Variants in TOP2A observed in about 807,000 individuals in gnomAD.
TOP2A encodes DNA topoisomerase II alpha.
In TOP2A, 68 loss-of-function variants were observed where a neutral mutation model predicts 187.2. The ratio of observed to expected loss-of-function variants is 0.36; its 90% confidence interval spans 0.30 to 0.44. TOP2A has a LOEUF of 0.44. Ranked by LOEUF, TOP2A falls within the 20% of genes least tolerant of loss-of-function variation. The pLI, the probability that TOP2A is intolerant of heterozygous loss-of-function variation, is 1.00. For missense variants in TOP2A, 1,196 were observed against 1,808.7 expected (o/e 0.66, Z 6.14); for synonymous variants, 542 against 593.2 (o/e 0.91, Z 1.25).
intron 16 of TOP2A, among the ~76,000 whole-genome samples, chr17:40,405,517 C>T (rs561676692): frequency 3.0e-4 from 42 of 140,732 alleles, no homozygotes; most frequent in African/African-American, 1.0e-3. Flanking sequence ...TGCAGTGGCA[C>T]CATCTCAGCT....
chr17:40,414,057 GA>G (rs536552520), intron 4 of TOP2A, among the ~76,000 whole-genome samples: 2 of 149,266 alleles, frequency 1.3e-5, no homozygotes, highest in African/African-American at 2.5e-5. Context: ...GAGTCAAGAG[GA>G]AAAAAAAACC....
intron 32 of TOP2A, 70 bp downstream of exon 32, chr17:40,391,998 G>A (rs1327981460): frequency 2.5e-5 from 38 of 1,506,274 alleles, no homozygotes; most frequent in Middle Eastern, 1.8e-4. Context: ...ATGTAGCCAG[G>A]ATTAGAACCC....
chr17:40,408,063 C>T lies in TOP2A; in HGVS notation c.1404G>A (p.Leu468=), dbSNP rs376489438. ...ILTEGDSAKT[L]AVSGLGVVGR... is the part of the protein sequence containing the mutation. ...CAACCACACCAAGGCCTGAAACAGC[C>T]AAAGTTTTGGCTGAATCTCCCTCAG... Residue 468 remains leucine (L), a synonymous_variant, in exon 12 of 35, where the codon TTG becomes TTA. Transcript: ENST00000423485. 1.4e-5 allele frequency: 22 copies of T among 1,613,456 alleles called. No individual in the cohort carries two copies. Among genetic ancestry groups the T allele is most frequent in the Middle Eastern group, 1.6e-4 (1 of 6,082 alleles).
rs779264397 is a variant in TOP2A, at chr17:40,392,108, A to C, written c.4092T>G (p.Leu1364=). The C allele has an allele frequency of 1.2e-6, 2 of 1,611,840 alleles. No homozygotes were observed. The highest frequency in any genetic ancestry group is 1.7e-5 in the Admixed American group (1 of 59,702). Residue 1364 remains leucine, a synonymous_variant, in exon 32 of 35, where the codon CTT becomes CTG. Coordinates refer to ENST00000423485, the MANE Select transcript of TOP2A (RefSeq NM_001067.4). ...TCTGTGGTTTCAGTTCTTTGTTACTAAGTCTAGAATTAAAAAAAAAAATCC... is the reference window on the plus strand; with the variant it reads ...TCTGTGGTTTCAGTTCTTTGTTACTCAGTCTAGAATTAAAAAAAAAAATCC... ...SPPKTKTSPK[L]SNKELKPQKS...
intron 10 of TOP2A, chr17:40,409,601 A>C (rs2035294418): frequency 2.9e-6 from 1 of 339,770 alleles, no homozygotes; most frequent in Non-Finnish European, 5.8e-6. Context: ...TCTATTAAAA[A>C]TACAAAAATT....
Position 40,411,541 on chromosome 17 carries a change from A to G in TOP2A, c.964-86T>C. 1.3e-6 allele frequency: 2 copies of G among 1,550,046 alleles called. No homozygotes were observed. Among genetic ancestry groups the G allele is most frequent in the Non-Finnish European group, 1.8e-6 (2 of 1,123,668 alleles). ...ATTAAAAACTAATTTAACCTCCTTT[A>G]TACTAAGCTAGCCCAATATTCAAGT... is the stretch of plus-strand genomic sequence containing the variant. On this transcript the variant is annotated intron_variant, in intron 8 of 34. Transcript: ENST00000423485. This position sits in a 1 kb window ranked among gnomAD's most constrained non-coding sequence, Gnocchi z 4.4.
Position 40,401,005 on chromosome 17 carries a change from C to G in TOP2A, c.2509G>C (p.Glu837Gln), listed in dbSNP as rs2143649616. ...KFLYDDNQRVEPEWYIPIIPM... is the reference protein window; with the variant it reads ...KFLYDDNQRVQPEWYIPIIPM... The stretch of plus-strand genomic sequence containing the variant: ...ATAATAGGAATGTACCATTCAGGCT[C>G]AACACGCTGGTTGTCATCATATAAA... The change falls in exon 21 of 35, where the codon GAG (glutamate) becomes CAG (glutamine). Residue 837 changes from glutamate to glutamine, a missense_variant. This residue lies in a region of TOP2A where 209 missense variants were observed against 376.9 expected (regional missense o/e 0.55). Coordinates refer to ENST00000423485, the MANE Select transcript of TOP2A (RefSeq NM_001067.4). 1 of 1,613,952 alleles carries G rather than the reference C, an allele frequency of 6.2e-7. No homozygotes were observed. The highest frequency in any genetic ancestry group is 8.5e-7 in the Non-Finnish European group (1 of 1,179,886).
chr17:40,407,095 C>T (rs112081793), intron 13 of TOP2A, among the ~76,000 whole-genome samples, 153 bp from the exon 14 acceptor site: 5 of 152,164 alleles, frequency 3.3e-5, no homozygotes, highest in Non-Finnish European at 7.3e-5. Context: ...GAAACCCTGT[C>T]TCCACTAAAA....
At position 40,417,521 on chromosome 17, in the gene TOP2A, C is replaced by G. The variant is rs559995921; in HGVS notation, c.21+250G>C. The G allele has an allele frequency of 3.5e-6, 5 of 1,420,106 alleles. No homozygotes were observed. The African/African-American group carries it at 7.2e-5, about 20-fold the overall frequency. 88.0% of individuals were successfully genotyped at this position (1,420,106 alleles called of 1,614,324 possible). A position where few individuals can be genotyped will look rare whatever the true frequency, so the allele number is the denominator to read the frequency against. On this transcript the variant is annotated intron_variant, in intron 1 of 34. Transcript: ENST00000423485. ...CTGTAACATGGATCCACTACGGGACCAACGGACTCCTGCCCCTAGAAACAG... is the reference window on the plus strand; with the variant it reads ...CTGTAACATGGATCCACTACGGGACGAACGGACTCCTGCCCCTAGAAACAG...
chr17:40,404,411 A>C lies in TOP2A; in HGVS notation c.2127T>G (p.Ser709=), dbSNP rs1320300822. ...TAGAAGGGATAGATCTCTCGTTATC[A>C]GAATTTGAGAACAAGATAAGTTCCT... The part of the protein sequence containing the change: ...INKELILFSN[S]DNERSIPSMV... The change falls in exon 18 of 35, where the codon TCT becomes TCG. Residue 709 remains serine (S), a synonymous_variant. Coordinates refer to ENST00000423485, the MANE Select transcript of TOP2A (RefSeq NM_001067.4). The C allele has an allele frequency of 1.2e-6, 2 of 1,611,566 alleles. No homozygotes were observed.
chr17:40,417,506 G>T, intron 1 of TOP2A: 1 of 1,396,046 alleles, frequency 7.2e-7, no homozygotes, highest in Non-Finnish European at 9.3e-7. Flanking sequence ...CTGTAACATG[G>T]ATCCACTACG....
Position 40,412,793 on chromosome 17 carries a change from T to G in TOP2A, c.755A>C (p.Asp252Ala), listed in dbSNP as rs2035339207. The G allele has an allele frequency of 6.2e-7, 1 of 1,613,862 alleles. No individual in the cohort carries two copies. ...ATTTCCATTAAGAAAGACTTTGACA[T>G]CTTTGGTGGATCCAGCAATATCATA... ...RAYDIAGSTK[D>A]VKVFLNGNKL... The change falls in exon 7 of 35, where the codon GAT (aspartate) becomes GCT (alanine). Residue 252 changes from aspartate (D) to alanine (A), a missense_variant. Coordinates refer to ENST00000423485, the MANE Select transcript of TOP2A (RefSeq NM_001067.4).
intron 13 of TOP2A, 64 bp from the exon 14 acceptor site, chr17:40,407,006 G>A (rs2035255627): frequency 2.3e-6 from 3 of 1,332,942 alleles, no homozygotes. Flanking sequence ...GCTAACATCT[G>A]TAATCCCAGA....
At position 40,413,342 on chromosome 17, in the gene TOP2A, A is replaced by G. The variant is rs1040096336; in HGVS notation, c.479-50T>C. On this transcript the variant is annotated intron_variant, in intron 5 of 34. Coordinates refer to ENST00000423485, the MANE Select transcript of TOP2A (RefSeq NM_001067.4). ...ATTTTATTGTTACTATCTCATTGAC[A>G]GCTTTATTTCTTAATCACTGGCAGA... 21 of 1,483,566 alleles carry G rather than the reference A, an allele frequency of 1.4e-5. No homozygotes were observed. In the South Asian group the frequency reaches 1.6e-4, roughly 12 times the overall value. 91.9% of individuals were successfully genotyped at this position (1,483,566 alleles called of 1,614,324 possible). A position where few individuals can be genotyped will look rare whatever the true frequency, so the allele number is the denominator to read the frequency against.
rs1249055080 is a variant in TOP2A at position 40,389,650 on chromosome 17, A to T, written c.4468-3T>A. 3 of 1,607,296 alleles carry T rather than the reference A, an allele frequency of 1.9e-6. No homozygotes were observed. Among genetic ancestry groups the T allele is most frequent in the Non-Finnish European group, 2.5e-6 (3 of 1,177,050 alleles). ...TCATCACTCTCCCCCTTGGATTTCT[A>T]AAAGAGAAAAGCCCAGGTAACTTGC... On this transcript the variant is annotated splice_region_variant and splice_polypyrimidine_tract_variant and intron_variant, in intron 34 of 34. Coordinates refer to ENST00000423485, the MANE Select transcript of TOP2A (RefSeq NM_001067.4).
Position 40,411,415 on chromosome 17 carries a change from G to A in TOP2A, c.1004C>T (p.Thr335Ile). ...HVDYVADQIV[T>I]KLVDVVKKKN... ...CTTCTTCACAACATCAACAAGTTTA[G>A]TCACAATCTGATCAGCTACATAATC... The change falls in exon 9 of 35, where the codon ACT becomes ATT. Residue 335 changes from threonine (T) to isoleucine (I), a missense_variant. Around this residue, in one of 10 missense-constraint regions of TOP2A, gnomAD observed 252 missense variants for 434.8 expected, o/e 0.58. Coordinates refer to ENST00000423485, the MANE Select transcript of TOP2A (RefSeq NM_001067.4). The surrounding 1 kb of genome is among the most constrained non-coding windows in gnomAD (Gnocchi z 4.4). 2 of 1,613,768 alleles carry A rather than the reference G, an allele frequency of 1.2e-6. No individual in the cohort carries two copies. Among genetic ancestry groups the A allele is most frequent in the South Asian group, 2.2e-5 (2 of 91,082 alleles).
At chr17:40,415,867 G>A (rs759916092) in intron 4 of TOP2A, 138 bp downstream of exon 4, 4 of 611,034 alleles carry the variant, frequency 6.5e-6, no homozygotes, top group Non-Finnish European at 1.2e-5. Context: ...GGTATCCATA[G>A]GTTTTTCATT....
At chr17:40,406,252 T>C (rs1187581661) in intron 16 of TOP2A, 132 bp downstream of exon 16, 2 of 699,732 alleles carry the variant, frequency 2.9e-6, no homozygotes, top group Non-Finnish European at 4.5e-6. Context: ...ATATGCTTAC[T>C]GGAAACATTC....
intron 10 of TOP2A, 157 bp from the exon 11 acceptor site, chr17:40,408,787 A>G: frequency 2.6e-6 from 2 of 777,710 alleles, no homozygotes; most frequent in Non-Finnish European, 4.4e-6. Flanking sequence ...ACATCTTCCC[A>G]TGTCAGGTTA....
Sources: allele counts gnomAD v4.1 joint callset (sites outside exome capture counted in the v4.1 genomes callset), GRCh38; gene constraint gnomAD v4.1.1; regional missense constraint gnomAD v4.1.1; non-coding constraint Gnocchi (gnomAD v3.1); transcripts MANE v1.5; gene names NCBI Gene and HGNC (gene_info 2026-07-23, HGNC 2026-07-21).